Variants in KATNB1 observed in about 807,000 individuals in gnomAD.
The protein encoded by KATNB1 is katanin regulatory subunit B1.
Under a neutral mutation model 82.3 loss-of-function variants are expected in KATNB1, and 38 were observed. The ratio of observed to expected loss-of-function variants is 0.46; its 90% CI spans 0.36 to 0.61. The LOEUF (loss-of-function observed/expected upper bound fraction) is 0.61. KATNB1 is among the 20% of genes least tolerant of loss of function. The probability of loss-of-function intolerance (pLI) is 0.00; values close to 1 mark genes in which losing one functional copy is unlikely to be tolerated. For missense variants in KATNB1, 749 were observed against 915.7 expected (o/e 0.82, Z 2.35); for synonymous variants, 361 against 368.7 (o/e 0.98, Z 0.24).
chr16:57,737,214 G>A lies in KATNB1; in HGVS notation c.-30G>A, dbSNP rs1061546. The A allele has an allele frequency of 8.1e-6, 13 of 1,613,586 alleles. No individual in the cohort carries two copies. In the Admixed American group the frequency reaches 1.5e-4, roughly 19 times the overall value. ...GAGGAAAGCACAGTTTATTTTGTGG[G>A]TGGGGCTTCAGGTGCCAGCCAGCTG... On this transcript the variant is annotated 5_prime_UTR_variant, in exon 2 of 20. It adds an upstream start codon to the 5' untranslated region. Coordinates refer to ENST00000379661, the MANE Select transcript of KATNB1 (RefSeq NM_005886.3).
chr16:57,749,508 T>C (rs1900101828), intron 4 of KATNB1, among the ~76,000 whole-genome samples: 1 of 152,202 alleles, frequency 6.6e-6, no homozygotes, highest in African/African-American at 2.4e-5. Flanking sequence ...GAATCTTGAA[T>C]ACCTCCTCTG....
Position 57,755,196 on chromosome 16 carries a change from C to A in KATNB1, c.1374C>A (p.Thr458=), listed in dbSNP as rs782676886. The change falls in exon 15 of 20, where the codon ACC becomes ACA. Residue 458 remains threonine, a synonymous_variant. Coordinates refer to ENST00000379661, the MANE Select transcript of KATNB1 (RefSeq NM_005886.3). ...PKAEPAIIPA[T]RNEPIGLKAS... ...CTGAGCCTGCCATCATCCCTGCCAC[C>A]CGGAACGAGCCCATCGGGCTGAAGG... The A allele has an allele frequency of 2.5e-6, 4 of 1,612,100 alleles. No individual in the cohort carries two copies. In the South Asian group the frequency reaches 3.3e-5, roughly 13 times the overall value.
Position 57,755,933 on chromosome 16 carries a change from G to A in KATNB1, c.1643+16G>A, listed in dbSNP as rs1353478770. 3 of 1,605,708 alleles carry A rather than the reference G, an allele frequency of 1.9e-6. No homozygotes were observed. The highest frequency in any genetic ancestry group is 4.5e-5 in the East Asian group (2 of 44,656). ...ACCAGAAAGCGTAAGTGGCTGCAGA[G>A]GGGGAGTGGGCGGAGGGGCAGGGCT... is the stretch of plus-strand genomic sequence containing the variant. On this transcript the variant is annotated intron_variant, in intron 17 of 19. Transcript: ENST00000379661.
In KATNB1 at chr16:57,752,412, T is replaced by G. The variant is rs564194649; in HGVS notation, c.633-118T>G. ...GTCAGGGCCAGCTCTGCCCCAGATGTTGCTCCTGGTGGCCCTGCCCTGGGG... is the reference window on the plus strand; with the variant it reads ...GTCAGGGCCAGCTCTGCCCCAGATGGTGCTCCTGGTGGCCCTGCCCTGGGG... On this transcript the variant is annotated intron_variant, in intron 8 of 19. Coordinates refer to ENST00000379661, the MANE Select transcript of KATNB1 (RefSeq NM_005886.3). 405 of 893,322 alleles carry G rather than the reference T, an allele frequency of 4.5e-4. 3 individuals carry two copies. The East Asian group carries it at 9.5e-3, about 21-fold the overall frequency. 55.3% of individuals were successfully genotyped at this position (893,322 alleles called of 1,614,324 possible). A position where few individuals can be genotyped will look rare whatever the true frequency, so the allele number is the denominator to read the frequency against.
chr16:57,737,912 A>C (rs2049113225), intron 2 of KATNB1, among the ~76,000 whole-genome samples: 1 of 152,210 alleles, frequency 6.6e-6, no homozygotes, highest in South Asian at 2.1e-4. Context: ...ACCACGTTAG[A>C]AGTTAATACT....
intron 8 of KATNB1, 91 bp from the exon 9 acceptor site, chr16:57,752,439 A>T: frequency 8.6e-7 from 1 of 1,167,066 alleles, no homozygotes; most frequent in Non-Finnish European, 1.2e-6. Context: ...GCCCTGGGGG[A>T]GAGGTTTCTA....
chr16:57,749,162 G>T (rs2049205570), intron 4 of KATNB1, among the ~76,000 whole-genome samples: 1 of 152,256 alleles, frequency 6.6e-6, no homozygotes, highest in Admixed American at 6.5e-5. Context: ...GGCCCAGCTT[G>T]CGGGACAGCC....
At position 57,755,193 on chromosome 16, in the gene KATNB1, C is replaced by G; in HGVS notation, c.1371C>G (p.Ala457=). Residue 457 remains alanine (A), a synonymous_variant, in exon 15 of 20, where the codon GCC becomes GCG. Coordinates refer to ENST00000379661, the MANE Select transcript of KATNB1 (RefSeq NM_005886.3). ...APKAEPAIIP[A]TRNEPIGLKA... ...AGGCTGAGCCTGCCATCATCCCTGC[C>G]ACCCGGAACGAGCCCATCGGGCTGA... is the stretch of plus-strand genomic sequence containing the variant. 1 of 1,612,232 alleles carries G rather than the reference C, an allele frequency of 6.2e-7. No individual in the cohort carries two copies. The highest frequency in any genetic ancestry group is 8.5e-7 in the Non-Finnish European group (1 of 1,179,982).
At position 57,741,682 on chromosome 16, in the gene KATNB1, T is replaced by A. The variant is rs1458513199; in HGVS notation, c.41-5T>A. On this transcript the variant is annotated splice_region_variant and splice_polypyrimidine_tract_variant and intron_variant, in intron 2 of 19. Coordinates refer to ENST00000379661, the MANE Select transcript of KATNB1 (RefSeq NM_005886.3). ...GATGGCCTCTCCCTCTCCTTCCCTG[T>A]GTAGAAGAGATCGTCGCGCATGCCA... The A allele has an allele frequency of 1.2e-6, 2 of 1,612,802 alleles. No individual in the cohort carries two copies. Among genetic ancestry groups the A allele is most frequent in the African/African-American group, 2.7e-5 (2 of 74,936 alleles).
chr16:57,744,480 C>T lies in KATNB1; in HGVS notation c.258C>T (p.Ser86=). ...ELIVAGSQSG[S]IRVWDLEAAK... is the part of the protein sequence containing the mutation. Reference sequence around the variant, plus strand: ...TCGTGGCCGGCTCTCAGTCGGGCTCCATCCGTGTCTGGGACCTGGAAGCTG... The same window carrying T: ...TCGTGGCCGGCTCTCAGTCGGGCTCTATCCGTGTCTGGGACCTGGAAGCTG... Residue 86 remains serine (S), a synonymous_variant, in exon 4 of 20, where the codon TCC becomes TCT. Transcript: ENST00000379661. 6.2e-7 allele frequency: 1 copy of T among 1,614,084 alleles called. No individual in the cohort carries two copies. The highest frequency in any genetic ancestry group is 8.5e-7 in the Non-Finnish European group (1 of 1,180,022).
intron 16 of KATNB1, 142 bp downstream of exon 16, chr16:57,755,636 T>C: frequency 1.1e-5 from 13 of 1,145,380 alleles, no homozygotes; most frequent in Non-Finnish European, 1.6e-5. Flanking sequence ...ACCATCTGTT[T>C]CCGCCATCAT....
chr16:57,752,703 G>T, intron 9 of KATNB1, 75 bp from the exon 10 acceptor site: 1 of 1,566,958 alleles, frequency 6.4e-7, no homozygotes, highest in Admixed American at 1.8e-5. Context: ...TCCCTGCCCT[G>T]GGCCCTCTGG....
In KATNB1 at chr16:57,752,054, A is replaced by C. The variant is rs2049232974; in HGVS notation, c.631A>C (p.Arg211=). ...CCTCCTGGCCTCCGGCAGCTCTGACAGGTGAGGAGGAGGAGCGAGGCGAGT... is the reference window on the plus strand; with the variant it reads ...CCTCCTGGCCTCCGGCAGCTCTGACCGGTGAGGAGGAGGAGCGAGGCGAGT... ...EYLLASGSSD[R]TIRFWDLEKF... The change falls in exon 8 of 20, where the codon AGG becomes CGG. Residue 211 remains arginine (R), a splice_region_variant and synonymous_variant. Coordinates refer to ENST00000379661, the MANE Select transcript of KATNB1 (RefSeq NM_005886.3). 12 of 1,605,204 alleles carry C rather than the reference A, an allele frequency of 7.5e-6. No homozygotes were observed. The highest frequency in any genetic ancestry group is 1.0e-5 in the Non-Finnish European group (12 of 1,174,062).
chr16:57,743,122 G>A (rs542438848), intron 3 of KATNB1, among the ~76,000 whole-genome samples: 1 of 152,168 alleles, frequency 6.6e-6, no homozygotes, highest in Non-Finnish European at 1.5e-5. Flanking sequence ...GTGAAATCCT[G>A]TCTCTACTAA....
Position 57,752,781 on chromosome 16 carries a change from C to T in KATNB1, c.708C>T (p.Ser236=), listed in dbSNP as rs781979251. The stretch of plus-strand genomic sequence containing the variant: ...GGCCATCTCTCGCCTGGCCCAGGAG[C>T]GTCCTCTTCAACCCAGACGGCTGCT... ...CIEGEPGPVR[S]VLFNPDGCCL... Residue 236 remains serine, a synonymous_variant, in exon 10 of 20, where the codon AGC becomes AGT. Transcript: ENST00000379661. 9.3e-6 allele frequency: 15 copies of T among 1,609,648 alleles called. No individual in the cohort carries two copies. In the East Asian group the frequency reaches 1.8e-4, roughly 19 times the overall value.
At chr16:57,750,470 A>G (rs2049217701) in intron 4 of KATNB1, among the ~76,000 whole-genome samples, 1 of 152,112 alleles carries the variant, frequency 6.6e-6, no homozygotes, top group Non-Finnish European at 1.5e-5. Context: ...CCAAAAATAT[A>G]AAAAAATTAG....
At position 57,753,180 on chromosome 16, in the gene KATNB1, G is replaced by C; in HGVS notation, c.959G>C (p.Arg320Pro). 1 of 1,609,670 alleles carries C rather than the reference G, an allele frequency of 6.2e-7. No homozygotes were observed. The highest frequency in any genetic ancestry group is 8.5e-7 in the Non-Finnish European group (1 of 1,179,626). ...TVARDPVQDH[R>P]PLAQPLPNPS... ...GCCCGGGACCCTGTGCAGGACCACC[G>C]GCCCCTGGCACAGCCACTGCCCAAC... The change falls in exon 11 of 20, where the codon CGG (arginine) becomes CCG (proline). Residue 320 changes from arginine (R) to proline (P), a missense_variant. Transcript: ENST00000379661.
intron 2 of KATNB1, among the ~76,000 whole-genome samples, chr16:57,739,088 G>A (rs541322490): frequency 1.1e-4 from 17 of 152,350 alleles, no homozygotes; most frequent in African/African-American, 3.1e-4. Flanking sequence ...AGCAGCAGGA[G>A]GAATGTGGGG....
chr16:57,737,371 G>A (rs369925501), intron 2 of KATNB1, 88 bp downstream of exon 2: 14 of 1,474,630 alleles, frequency 9.5e-6, no homozygotes, highest in Middle Eastern at 3.5e-4. Context: ...TTTGTTTCCT[G>A]TTCTTGGCAC....
Sources: gnomAD v4.1 joint callset for allele counts (sites outside exome capture counted in the v4.1 genomes callset) on GRCh38, gnomAD v4.1.1 for gene constraint, MANE v1.5 for transcripts, NCBI Gene and HGNC (gene_info 2026-07-23, HGNC 2026-07-21) for gene names.